Variants in ASIC2 observed in about 807,000 individuals in gnomAD.
ASIC2 encodes acid-sensing ion channel 2.
ASIC2 carries 25 observed loss-of-function variants against 57.3 expected under a neutral mutation model. The ratio of observed to expected loss-of-function variants is 0.44; its 90% CI spans 0.32 to 0.61. ASIC2 has a LOEUF of 0.61. Among genes scored for constraint, ASIC2 ranks in the 20% least tolerant of loss-of-function variants. The pLI, the probability that ASIC2 is intolerant of heterozygous loss-of-function variation, is 0.06. For missense variants in ASIC2, 641 were observed against 738.1 expected (o/e 0.87, Z 1.52); for synonymous variants, 319 against 307.5 (o/e 1.04, Z -0.39).
At position 33,292,263 on chromosome 17, in the gene ASIC2, C is replaced by A; in HGVS notation, c.-148G>T. 5 of 991,352 alleles carry A rather than the reference C, an allele frequency of 5.0e-6. No homozygotes were observed. Among genetic ancestry groups the A allele is most frequent in the Non-Finnish European group, 6.0e-6 (5 of 835,448 alleles). The allele number at this position is 991,352 out of a possible 1,614,324, so 61.4% of individuals were successfully genotyped here. On this transcript the variant is annotated 5_prime_UTR_variant, in exon 1 of 10. Coordinates refer to ENST00000225823, the MANE Select transcript of ASIC2 (RefSeq NM_183377.2). ...GTGCGCCCGAAAGGAGCTCCGGTGGCGCGGCATGCCCGCCCGGCGCCGCCG... is the reference window on the plus strand; with the variant it reads ...GTGCGCCCGAAAGGAGCTCCGGTGGAGCGGCATGCCCGCCCGGCGCCGCCG...
intron 1 of ASIC2, among the ~76,000 whole-genome samples, chr17:33,946,703 A>G (rs1904385356): frequency 6.6e-6 from 1 of 152,230 alleles, no homozygotes; most frequent in South Asian, 2.1e-4. Context: ...ACCCAGAGTC[A>G]AAATGAAGGG....
intron 1 of ASIC2, among the ~76,000 whole-genome samples, chr17:33,439,355 G>A (rs1021509650): frequency 5.3e-5 from 8 of 152,172 alleles, no homozygotes; most frequent in African/African-American, 1.4e-4. Flanking sequence ...CATTTTGGAC[G>A]GGGGGAGGAG....
intron 1 of ASIC2, among the ~76,000 whole-genome samples, chr17:34,033,515 A>C (rs1907717923): frequency 6.6e-6 from 1 of 152,242 alleles, no homozygotes; most frequent in Non-Finnish European, 1.5e-5. Flanking sequence ...AACTAAGATC[A>C]GAGCAGAACT....
In ASIC2 at chr17:33,774,747, A is replaced by G. The variant is rs555328359; in HGVS notation, c.555+381231T>C. 5.9e-5 allele frequency among the ~76,000 whole-genome samples: 9 copies of G among 152,312 alleles called. No individual in the cohort carries two copies. In the East Asian group the frequency reaches 1.2e-3, roughly 20 times the overall value. On this transcript the variant is annotated intron_variant, in intron 1 of 9. Coordinates refer to the ASIC2 transcript ENST00000359872. ...TCAAAATGACTAGAATTCTGCTAGT[A>G]AAGAAATGGAGTCTGAATATTGTGC...
chr17:34,112,117 T>C (rs1911295219), intron 1 of ASIC2, among the ~76,000 whole-genome samples: 1 of 152,140 alleles, frequency 6.6e-6, no homozygotes, highest in Non-Finnish European at 1.5e-5. Context: ...AAGACACTAG[T>C]CTTAGTGGAA....
At chr17:33,249,423 A>G (rs546384486) in intron 1 of ASIC2, among the ~76,000 whole-genome samples, 50 of 152,220 alleles carry the variant, frequency 3.3e-4, no homozygotes, top group Admixed American at 4.6e-4. Flanking sequence ...ATGGGACTGG[A>G]GGAGATGAGC....
At chr17:33,690,551 T>C (rs1002268780) in intron 1 of ASIC2, among the ~76,000 whole-genome samples, 12 of 152,076 alleles carry the variant, frequency 7.9e-5, no homozygotes, top group Non-Finnish European at 1.5e-4. Context: ...ATTTGCATCT[T>C]GCTCTCAATG....
chr17:33,474,227 T>A (rs9898874), intron 1 of ASIC2, among the ~76,000 whole-genome samples: 29,144 of 151,888 alleles, frequency 0.19, 3,016 homozygotes, highest in Middle Eastern at 0.24. Context: ...ATTAGCCGGG[T>A]GTGGTGGCAC....
intron 1 of ASIC2, among the ~76,000 whole-genome samples, chr17:33,145,610 C>T (rs560670844): frequency 6.6e-6 from 1 of 152,306 alleles, no homozygotes; most frequent in Admixed American, 6.5e-5. Context: ...AATTCCTTAC[C>T]TATTTCCGTA....
chr17:33,938,332 C>T (rs1422890016), intron 1 of ASIC2, among the ~76,000 whole-genome samples: 1 of 152,132 alleles, frequency 6.6e-6, no homozygotes, highest in East Asian at 1.9e-4. Flanking sequence ...ACCCAATGTC[C>T]CTGATATTCC....
chr17:33,434,584 T>G (rs1911539645), intron 1 of ASIC2, among the ~76,000 whole-genome samples: 1 of 152,186 alleles, frequency 6.6e-6, no homozygotes, highest in Non-Finnish European at 1.5e-5. Context: ...GAAAATACAA[T>G]GCAAGGATTT....
intron 1 of ASIC2, among the ~76,000 whole-genome samples, chr17:33,894,327 C>CTGCG (rs763612647): frequency 2.7e-5 from 4 of 147,272 alleles, no homozygotes; most frequent in South Asian, 2.2e-4. Context: ...GAGAGAAGCT[C>CTGCG]TGCGTGCGTG....
chr17:33,399,531 G>A (rs1044684472), intron 1 of ASIC2, among the ~76,000 whole-genome samples: 8 of 152,064 alleles, frequency 5.3e-5, no homozygotes, highest in African/African-American at 1.9e-4. Flanking sequence ...AAAAATCTCC[G>A]ATGAACCATC....
chr17:33,626,522 G>T (rs997666791), intron 1 of ASIC2, among the ~76,000 whole-genome samples: 2 of 152,056 alleles, frequency 1.3e-5, no homozygotes, highest in Non-Finnish European at 2.9e-5. Context: ...AACGAAATGC[G>T]CTCTTCTGTG....
At chr17:33,098,373 T>C (rs887916263) in intron 2 of ASIC2, among the ~76,000 whole-genome samples, 14 of 83,790 alleles carry the variant, frequency 1.7e-4, no homozygotes, top group African/African-American at 3.9e-4. Context: ...AGATAGGCAC[T>C]GTAGGGCAGC....
chr17:33,452,735 T>TGG (rs1555535325), intron 1 of ASIC2, among the ~76,000 whole-genome samples: 16 of 79,646 alleles, frequency 2.0e-4, no homozygotes, highest in African/African-American at 8.6e-4. Flanking sequence ...TGGAACAGAG[T>TGG]GGGGTGTGTG....
chr17:33,150,520 A>C (rs1467884277), intron 1 of ASIC2, among the ~76,000 whole-genome samples: 2 of 152,150 alleles, frequency 1.3e-5, no homozygotes, highest in African/African-American at 4.8e-5. Context: ...CCAAGGTCTT[A>C]TTATTGATAA....
intron 1 of ASIC2, among the ~76,000 whole-genome samples, chr17:33,840,799 C>CCACACACACACACACACACACACACA (rs10525634): frequency 0.017 from 2,435 of 147,480 alleles, 26 homozygotes; most frequent in South Asian, 0.022. Context: ...CCTGGACACA[C>CCACACACACACACACACACACACACA]CACACACACA....
In ASIC2 at chr17:33,515,818, G is replaced by A. The variant is rs144609477; in HGVS notation, c.556-403751C>T. On this transcript the variant is annotated intron_variant, in intron 1 of 9. Transcript: ENST00000359872. The stretch of plus-strand genomic sequence containing the variant: ...TCCTGTTCTGAAGAATGCAGAGGCC[G>A]GGTGCGGTGGCTCACGCCTGTAATC... 7.9e-3 allele frequency among the ~76,000 whole-genome samples: 1,203 copies of A among 152,278 alleles called. 17 individuals carry two copies. The highest frequency in any genetic ancestry group is 0.027 in the African/African-American group (1,134 of 41,540).
Sources: allele counts gnomAD v4.1 joint callset (sites outside exome capture counted in the v4.1 genomes callset), GRCh38; gene constraint gnomAD v4.1.1; transcripts MANE v1.5; gene names NCBI Gene and HGNC (gene_info 2026-07-23, HGNC 2026-07-21).